The following AKAP6 variants were observed in gnomAD, a reference collection of about 807,000 sequenced individuals.
The protein encoded by AKAP6 is A-kinase anchor protein 6.
In AKAP6, 58 loss-of-function variants were observed where a neutral mutation model predicts 188.5. The ratio of observed to expected loss-of-function variants is 0.31; its 90% CI spans 0.25 to 0.38. AKAP6 has a LOEUF of 0.38. AKAP6 is among the 10% of genes least tolerant of loss of function. AKAP6 has a pLI of 1.00. For synonymous variants in AKAP6, 989 were observed against 998.6 expected (o/e 0.99, Z 0.18); for missense variants, 2,710 against 2,740.0 (o/e 0.99, Z 0.24).
intron 1 of AKAP6, among the ~76,000 whole-genome samples, chr14:32,391,095 C>T (rs918518403): frequency 1.9e-4 from 29 of 152,272 alleles, no homozygotes; most frequent in African/African-American, 6.5e-4. Flanking sequence ...TGTCACTCCT[C>T]AATGACACAA....
chr14:32,615,526 A>G (rs1442925336), intron 7 of AKAP6, among the ~76,000 whole-genome samples: 1 of 144,212 alleles, frequency 6.9e-6, no homozygotes, highest in Non-Finnish European at 1.5e-5. Flanking sequence ...TAATTTGAAT[A>G]TTTCTCTACC....
At chr14:32,470,282 A>G (rs1490655589) in intron 2 of AKAP6, among the ~76,000 whole-genome samples, 1 of 152,174 alleles carries the variant, frequency 6.6e-6, no homozygotes, top group Non-Finnish European at 1.5e-5. Flanking sequence ...CAGGTGATTC[A>G]GATGCACATT....
rs1233973688 is a variant in AKAP6, at chr14:32,830,067, T to G, written c.*262T>G. 1.5e-6 allele frequency: 1 copy of G among 671,938 alleles called. No homozygotes were observed. The highest frequency in any genetic ancestry group is 2.7e-6 in the Non-Finnish European group (1 of 368,552). 41.6% of individuals were successfully genotyped at this position (671,938 alleles called of 1,614,324 possible). On this transcript the variant is annotated 3_prime_UTR_variant, in exon 14 of 14. Coordinates refer to ENST00000280979, the MANE Select transcript of AKAP6 (RefSeq NM_004274.5). ...TTCAGCAAAGCTGCTTGTTCTCCCA[T>G]GGATTCCTGTCCCAAGCTACCTCTA...
At chr14:32,802,234 T>C (rs1266387402) in intron 12 of AKAP6, among the ~76,000 whole-genome samples, 1 of 152,180 alleles carries the variant, frequency 6.6e-6, no homozygotes, top group South Asian at 2.1e-4. Flanking sequence ...TCAGCAAGGA[T>C]ATGTTTTGGC....
At chr14:32,579,613 A>G (rs1884876501) in intron 5 of AKAP6, among the ~76,000 whole-genome samples, 1 of 152,166 alleles carries the variant, frequency 6.6e-6, no homozygotes, top group Admixed American at 6.5e-5. Flanking sequence ...GTTACACTGG[A>G]TGCTGTGTCT....
At chr14:32,515,574 T>C (rs1881478685) in intron 2 of AKAP6, among the ~76,000 whole-genome samples, 1 of 152,114 alleles carries the variant, frequency 6.6e-6, no homozygotes, top group Admixed American at 6.6e-5. Context: ...AGAAAATCTT[T>C]GGGCTTGAGA....
chr14:32,716,695 ATCTATCTG>A (rs1746774762), intron 9 of AKAP6, among the ~76,000 whole-genome samples: 1 of 149,498 alleles, frequency 6.7e-6, no homozygotes, highest in Admixed American at 6.7e-5. Context: ...CTATCTATCT[ATCTATCTG>A]TATTTACCTT....
chr14:32,548,689 C>A (rs968752604), intron 4 of AKAP6, among the ~76,000 whole-genome samples: 4 of 152,058 alleles, frequency 2.6e-5, no homozygotes, highest in African/African-American at 7.2e-5. Flanking sequence ...ACCAGACAGA[C>A]CTTTTGTGTA....
chr14:32,490,529 A>G (rs1879955585), intron 2 of AKAP6, among the ~76,000 whole-genome samples: 2 of 152,116 alleles, frequency 1.3e-5, no homozygotes, highest in South Asian at 2.1e-4. Flanking sequence ...GTCTACTTCT[A>G]GTTTACCTTT....
chr14:32,492,349 T>TAGAGAG (rs1182150833), intron 2 of AKAP6, among the ~76,000 whole-genome samples: 3 of 59,656 alleles, frequency 5.0e-5, no homozygotes, highest in Non-Finnish European at 7.9e-5. Context: ...TATATATATA[T>TAGAGAG]ATATATAGAG....
chr14:32,793,415 A>G (rs993074317), intron 12 of AKAP6, among the ~76,000 whole-genome samples: 1 of 152,138 alleles, frequency 6.6e-6, no homozygotes, highest in Non-Finnish European at 1.5e-5. Context: ...GCAAAGATTA[A>G]AAAAGATAAA....
chr14:32,697,752 A>G (rs1235891212), intron 9 of AKAP6, among the ~76,000 whole-genome samples: 2 of 152,166 alleles, frequency 1.3e-5, no homozygotes, highest in African/African-American at 4.8e-5. Context: ...AATCACATTC[A>G]TATAATTTAC....
rs867284047 is a variant in AKAP6 at position 32,660,927 on chromosome 14, C to A, written c.2731-17384C>A. Among the ~76,000 whole-genome samples, 52 of 83,432 alleles carry A rather than the reference C, an allele frequency of 6.2e-4. 2 individuals carry two copies. In the South Asian group the frequency reaches 0.035, roughly 56 times the overall value. The allele number at this position is 83,432 out of a possible 152,430, so 54.7% of individuals were successfully genotyped here. A position where few individuals can be genotyped will look rare whatever the true frequency, so the allele number is the denominator to read the frequency against. On this transcript the variant is annotated intron_variant, in intron 7 of 13. Coordinates refer to ENST00000280979, the MANE Select transcript of AKAP6 (RefSeq NM_004274.5). ...TCTATATATTTTCTTCCCCGCCACCCCCCCCCCTCCCAATTCCAGCCATTT... is the reference window on the plus strand; with the variant it reads ...TCTATATATTTTCTTCCCCGCCACCACCCCCCCTCCCAATTCCAGCCATTT...
chr14:32,537,503 C>G (rs565671281), intron 3 of AKAP6, among the ~76,000 whole-genome samples: 1 of 152,264 alleles, frequency 6.6e-6, no homozygotes, highest in Admixed American at 6.5e-5. Flanking sequence ...TGTATAACCT[C>G]TAGAGAGATC....
rs542555564 is a variant in AKAP6 at position 32,760,968 on chromosome 14, G to T, written c.3373-12710G>T. Among the ~76,000 whole-genome samples the T allele has an allele frequency of 7.2e-5, 11 of 152,276 alleles. 1 individual carries two copies. The South Asian group carries it at 2.1e-3, about 29-fold the overall frequency. On this transcript the variant is annotated intron_variant, in intron 11 of 13. Transcript: ENST00000280979. ...ACCCTGAGAGTATTACCACACATCT[G>T]GGAATACTGAAAACTGGTGAAAAGG...
At chr14:32,774,090 C>T in intron 12 of AKAP6, 197 bp downstream of exon 12, 2 of 598,724 alleles carry the variant, frequency 3.3e-6, no homozygotes, top group Non-Finnish European at 5.9e-6. Flanking sequence ...AAATGAAACT[C>T]CATTTGTCAT....
In AKAP6 at chr14:32,706,477, G is replaced by A. The variant is rs1348106128; in HGVS notation, c.3000+10367G>A. Among the ~76,000 whole-genome samples, 4 of 152,010 alleles carry A rather than the reference G, an allele frequency of 2.6e-5. No homozygotes were observed. The South Asian group carries it at 6.2e-4, about 24-fold the overall frequency. On this transcript the variant is annotated intron_variant, in intron 9 of 13. Coordinates refer to ENST00000280979, the MANE Select transcript of AKAP6 (RefSeq NM_004274.5). The stretch of plus-strand genomic sequence containing the variant: ...ATGCTTTTTGGGAGATGCACTAAAG[G>A]CAGCATTGCCCTCAGATGATTCAAC...
intron 7 of AKAP6, among the ~76,000 whole-genome samples, chr14:32,672,670 T>C (rs761534323): frequency 3.9e-5 from 6 of 152,080 alleles, no homozygotes; most frequent in Non-Finnish European, 7.3e-5. Context: ...AACATAGGAA[T>C]TTGGGGGTGA....
chr14:32,674,963 G>T (rs957936301), intron 7 of AKAP6, among the ~76,000 whole-genome samples: 7 of 152,220 alleles, frequency 4.6e-5, no homozygotes, highest in Admixed American at 3.3e-4. Context: ...ATTATACTGG[G>T]TGAGCCAGTG....
Sources: allele counts gnomAD v4.1 joint callset (sites outside exome capture counted in the v4.1 genomes callset), GRCh38; gene constraint gnomAD v4.1.1; transcripts MANE v1.5; gene names NCBI Gene and HGNC (gene_info 2026-07-23, HGNC 2026-07-21).